Variants in SLC25A48 observed in about 807,000 individuals in gnomAD.
The protein encoded by SLC25A48 is solute carrier family 25 member 48, also known as CTC-321K16.1.
Under a neutral mutation model 32.2 loss-of-function variants are expected in SLC25A48, and 29 were observed. The ratio of observed to expected loss-of-function variants is 0.90; its 90% CI spans 0.67 to 1.23. The LOEUF (loss-of-function observed/expected upper bound fraction) is 1.23, where lower values mean the gene tolerates loss of function less well. SLC25A48 is among the 50% of genes most tolerant of loss of function. The pLI, the probability that SLC25A48 is intolerant of heterozygous loss-of-function variation, is 0.00. For synonymous variants in SLC25A48, 164 were observed against 172.3 expected, an observed-to-expected ratio of 0.95 and a Z score of 0.38; for missense variants, 399 against 422.7, an observed-to-expected ratio of 0.94 and a Z score of 0.49.
At chr5:135,692,449 T>G (rs981219664) in intron 3 of SLC25A48, among the ~76,000 whole-genome samples, 6 of 152,374 alleles carry the variant, frequency 3.9e-5, no homozygotes, top group East Asian at 1.9e-4. Context: ...GAGAATGGCT[T>G]AATCAGTTTT....
intron 4 of SLC25A48, among the ~76,000 whole-genome samples, chr5:135,827,915 G>T (rs1417157501): frequency 1.3e-5 from 2 of 152,210 alleles, no homozygotes; most frequent in Admixed American, 6.5e-5. Context: ...AGGTTGGGAG[G>T]TATCTATGTC....
chr5:135,583,168 G>C (rs1751271424), intron 1 of SLC25A48, among the ~76,000 whole-genome samples: 1 of 148,260 alleles, frequency 6.7e-6, no homozygotes, highest in African/African-American at 2.6e-5. Flanking sequence ...TTGCATGTGA[G>C]AAAGTGTGTG....
In SLC25A48 at chr5:135,707,774, G is replaced by A. The variant is rs141749313; in HGVS notation, c.-521+72818G>A. Reference sequence around the variant, plus strand: ...GAAATGACTTCAAGTATTTGTTCATGTGTTCTTTTGTTCATGTGTTGATTG... The same window carrying A: ...GAAATGACTTCAAGTATTTGTTCATATGTTCTTTTGTTCATGTGTTGATTG... On this transcript the variant is annotated intron_variant, in intron 3 of 10. Transcript: ENST00000646290. Among the ~76,000 whole-genome samples, 405 of 152,268 alleles carry A rather than the reference G, an allele frequency of 2.7e-3. 2 individuals are homozygous for A. The highest frequency in any genetic ancestry group is 9.4e-3 in the African/African-American group (390 of 41,538).
chr5:135,778,124 T>A (rs1310853572), intron 3 of SLC25A48, among the ~76,000 whole-genome samples: 9 of 151,594 alleles, frequency 5.9e-5, no homozygotes, highest in African/African-American at 1.9e-4. Context: ...ACTCCCAATA[T>A]AGCAGGGGGT....
intron 3 of SLC25A48, among the ~76,000 whole-genome samples, chr5:135,755,323 T>G (rs1755869876): frequency 6.6e-6 from 1 of 152,086 alleles, no homozygotes; most frequent in African/African-American, 2.4e-5. Context: ...GTTATCATAT[T>G]TAGTGTCAAT....
intron 4 of SLC25A48, among the ~76,000 whole-genome samples, chr5:135,815,066 G>T (rs750244489): frequency 2.6e-5 from 4 of 152,174 alleles, no homozygotes; most frequent in Non-Finnish European, 5.9e-5. Flanking sequence ...CTCTGTGCTG[G>T]CTGGGATAAC....
rs368060158 is a variant in SLC25A48, at chr5:135,612,881, T to C, written c.-848-16356T>C. ...TTTGTGAATACTGCTGCAATAAACA[T>C]GTGAGCACATATATCCCTTTGATAT... On this transcript the variant is annotated intron_variant, in intron 1 of 10. Transcript: ENST00000646290. Among the ~76,000 whole-genome samples the C allele has an allele frequency of 1.8e-4, 27 of 152,362 alleles. 1 individual carries two copies. Among genetic ancestry groups the C allele is most frequent in the African/African-American group, 6.3e-4 (26 of 41,592 alleles).
intron 3 of SLC25A48, among the ~76,000 whole-genome samples, chr5:135,752,145 A>G (rs969504687): frequency 1.3e-5 from 2 of 152,356 alleles, no homozygotes; most frequent in Admixed American, 1.3e-4. Context: ...TATAATATCA[A>G]AAACACAATA....
intron 1 of SLC25A48, among the ~76,000 whole-genome samples, chr5:135,606,077 G>A (rs1304128915): frequency 1.3e-5 from 2 of 152,164 alleles, no homozygotes; most frequent in African/African-American, 4.8e-5. Context: ...CAGCAAAGGT[G>A]AACTGGCTAA....
At chr5:135,761,157 A>T (rs1003055693) in intron 3 of SLC25A48, among the ~76,000 whole-genome samples, 10 of 152,042 alleles carry the variant, frequency 6.6e-5, no homozygotes, top group South Asian at 4.2e-4. Context: ...AAATAAAAAT[A>T]AAAATTAATT....
In SLC25A48 at chr5:135,834,748, C is replaced by T. The variant is rs1336368316; in HGVS notation, c.-100C>T. 3 of 1,316,160 alleles carry T rather than the reference C, an allele frequency of 2.3e-6. No homozygotes were observed. In the Admixed American group the frequency reaches 7.9e-5, roughly 35 times the overall value. 81.5% of individuals were successfully genotyped at this position (1,316,160 alleles called of 1,614,324 possible). On this transcript the variant is annotated 5_prime_UTR_variant, in exon 1 of 8. Coordinates refer to ENST00000681962, the MANE Select transcript of SLC25A48 (RefSeq NM_001349336.2). ...AGGACCTGCGGCGTGCTCGAGACTC[C>T]GACTTCGGTCTTGCGGCGCGCTCGC...
In SLC25A48 at chr5:135,723,896, A is replaced by G. The variant is rs78777926; in HGVS notation, c.-520-88627A>G. ...AGAAACAAACATCTAGGTGATTTCT[A>G]TAATTTCTCAATGCTATTGAGCTCT... is the stretch of plus-strand genomic sequence containing the variant. On this transcript the variant is annotated intron_variant, in intron 3 of 10. Transcript: ENST00000646290. Among the ~76,000 whole-genome samples the G allele has an allele frequency of 5.0e-3, 760 of 152,356 alleles. 6 individuals are homozygous for G. The highest frequency in any genetic ancestry group is 0.017 in the African/African-American group (720 of 41,582).
chr5:135,704,710 A>G (rs1754469141), intron 3 of SLC25A48, among the ~76,000 whole-genome samples: 1 of 152,224 alleles, frequency 6.6e-6, no homozygotes, highest in Non-Finnish European at 1.5e-5. Flanking sequence ...ACAGAAAAGG[A>G]AACTGAGGGA....
At chr5:135,764,532 G>C (rs181173496) in intron 3 of SLC25A48, among the ~76,000 whole-genome samples, 36 of 151,876 alleles carry the variant, frequency 2.4e-4, no homozygotes, top group African/African-American at 8.7e-4. Context: ...ATATCACGGG[G>C]AGTGTGATAT....
chr5:135,876,914 C>G (rs895089292), intron 6 of SLC25A48, among the ~76,000 whole-genome samples: 1 of 152,162 alleles, frequency 6.6e-6, no homozygotes. Flanking sequence ...ATGGAGCACC[C>G]CTCCCCAAGC....
intron 4 of SLC25A48, among the ~76,000 whole-genome samples, chr5:135,862,281 T>A (rs1468183595): frequency 6.6e-6 from 1 of 152,250 alleles, no homozygotes; most frequent in Non-Finnish European, 1.5e-5. Context: ...TAGATCTGTT[T>A]TTCCATTGAA....
chr5:135,611,496 CAAAAA>C (rs57138043), intron 1 of SLC25A48, among the ~76,000 whole-genome samples: 3,369 of 20,388 alleles, frequency 0.17, 8 homozygotes, highest in Middle Eastern at 0.28. Context: ...GACTCCATCT[CAAAAA>C]AAAAAAAAAA....
intron 3 of SLC25A48, among the ~76,000 whole-genome samples, chr5:135,734,650 C>A (rs1423127125): frequency 1.3e-5 from 2 of 151,630 alleles, no homozygotes; most frequent in Admixed American, 6.6e-5. Flanking sequence ...CCCGTCTCTA[C>A]TAAAAATACA....
intron 3 of SLC25A48, among the ~76,000 whole-genome samples, chr5:135,709,290 TG>T (rs1365908272): frequency 7.9e-5 from 12 of 152,342 alleles, no homozygotes; most frequent in Non-Finnish European, 1.5e-4. Context: ...TCCCTAGCCT[TG>T]GGCTCTTGGG....
Sources: allele counts gnomAD v4.1 joint callset (sites outside exome capture counted in the v4.1 genomes callset), GRCh38; gene constraint gnomAD v4.1.1; transcripts MANE v1.5; gene names NCBI Gene and HGNC (gene_info 2026-07-23, HGNC 2026-07-21).